The following ZNF148 variants were observed in gnomAD, a reference collection of about 807,000 sequenced individuals.
The protein encoded by ZNF148 is Beta-Enolase Repressor Factor-1.
ZNF148 carries 7 observed loss-of-function variants against 67.7 expected under a neutral mutation model. That is an observed-to-expected ratio of 0.10 (90% confidence interval 0.06 to 0.19). The LOEUF (loss-of-function observed/expected upper bound fraction) is 0.19, where lower values mean the gene tolerates loss of function less well. Ranked by LOEUF, ZNF148 falls within the 10% of genes least tolerant of loss-of-function variation. The pLI, the probability that ZNF148 is intolerant of heterozygous loss-of-function variation, is 1.00. For synonymous variants in ZNF148, 333 were observed against 330.7 expected (o/e 1.01, Z -0.08); for missense variants, 583 against 947.1 (o/e 0.62, Z 5.05).
chr3:125,294,552 T>C (rs1267601592), intron 4 of ZNF148, among the ~76,000 whole-genome samples: 1 of 152,190 alleles, frequency 6.6e-6, no homozygotes, highest in Non-Finnish European at 1.5e-5. Context: ...ACTCAGCATT[T>C]ACATGGCATT....
intron 4 of ZNF148, among the ~76,000 whole-genome samples, chr3:125,290,490 TCTTA>T (rs781608814): frequency 2.6e-5 from 4 of 152,304 alleles, no homozygotes; most frequent in African/African-American, 9.6e-5. Flanking sequence ...CAAAATAAAG[TCTTA>T]CTTTTATATT....
chr3:125,272,286 T>G (rs1478244159), intron 7 of ZNF148, among the ~76,000 whole-genome samples: 1 of 152,260 alleles, frequency 6.6e-6, no homozygotes, highest in Non-Finnish European at 1.5e-5. Flanking sequence ...CACATGTTCA[T>G]TCATTCAATG....
chr3:125,304,367 T>A (rs1939759683), intron 4 of ZNF148, among the ~76,000 whole-genome samples: 1 of 151,464 alleles, frequency 6.6e-6, no homozygotes, highest in South Asian at 2.1e-4. Context: ...TATCAAAGAG[T>A]GGATGTAGAC....
intron 7 of ZNF148, among the ~76,000 whole-genome samples, chr3:125,244,260 A>G (rs1044791114): frequency 6.6e-6 from 1 of 152,174 alleles, no homozygotes; most frequent in African/African-American, 2.4e-5. Flanking sequence ...AATTTTTACT[A>G]TAATATATGG....
chr3:125,357,972 TC>T (rs1942415739), intron 1 of ZNF148, among the ~76,000 whole-genome samples: 1 of 152,190 alleles, frequency 6.6e-6, no homozygotes, highest in Non-Finnish European at 1.5e-5. Flanking sequence ...AGAAATCTTC[TC>T]TAAACCATCT....
intron 7 of ZNF148, among the ~76,000 whole-genome samples, chr3:125,241,940 T>C (rs543445987): frequency 1.3e-5 from 2 of 152,350 alleles, no homozygotes; most frequent in East Asian, 3.9e-4. Flanking sequence ...ACTACATATC[T>C]AATAGGTGAA....
Position 125,375,170 on chromosome 3 carries a change from T to C in ZNF148, c.-302A>G, listed in dbSNP as rs1360333101. ...GGCAGCTCCAACCTTTCTAGGGGCC[T>C]TGAGAGGAGGGGAAGGGGGGAGGGG... is the stretch of plus-strand genomic sequence containing the variant. On this transcript the variant is annotated 5_prime_UTR_variant, in exon 1 of 9. Transcript: ENST00000360647. 1 of 152,120 alleles carries C rather than the reference T, an allele frequency of 6.6e-6. No individual in the cohort carries two copies. Among genetic ancestry groups the C allele is most frequent in the Non-Finnish European group, 1.5e-5 (1 of 68,204 alleles). 9.4% of individuals were successfully genotyped at this position (152,120 alleles called of 1,614,324 possible). A position where few individuals can be genotyped will look rare whatever the true frequency, so the allele number is the denominator to read the frequency against.
intron 5 of ZNF148, among the ~76,000 whole-genome samples, chr3:125,283,936 C>T (rs1053176597): frequency 2.0e-5 from 3 of 152,086 alleles, no homozygotes; most frequent in African/African-American, 4.8e-5. Flanking sequence ...AATTTTTATT[C>T]AGATCACCTA....
At chr3:125,311,207 A>C (rs1455857460) in intron 4 of ZNF148, 1 of 161,012 alleles carries the variant, frequency 6.2e-6, no homozygotes, top group Non-Finnish European at 1.4e-5. Context: ...TGTACTGTTT[A>C]ATTTTGGCAA....
At position 125,232,563 on chromosome 3, in the gene ZNF148, G is replaced by A. The variant is rs775723684; in HGVS notation, c.2163C>T (p.His721=). ...CAAAGGAGCTCATTTGGTAAGCTTG[G>A]TGGACAGGCTGGGCCTCAGCTTTCT... ...SQKKAEAQPV[H]QAYQMSSFEQ... Residue 721 remains histidine (H), a synonymous_variant, in exon 9 of 9, where the codon CAC becomes CAT. Transcript: ENST00000360647. This position sits in a 1 kb window ranked among gnomAD's most constrained non-coding sequence, Gnocchi z 4.2. 2.9e-5 allele frequency: 46 copies of A among 1,613,630 alleles called. No individual in the cohort carries two copies. The highest frequency in any genetic ancestry group is 3.6e-5 in the Non-Finnish European group (42 of 1,179,756).
At chr3:125,329,066 C>T (rs1277319810) in intron 2 of ZNF148, among the ~76,000 whole-genome samples, 1 of 150,460 alleles carries the variant, frequency 6.6e-6, no homozygotes, top group Admixed American at 6.7e-5. Context: ...AATGATTATA[C>T]TGAATGGGGA....
chr3:125,257,001 A>T (rs1485490487), intron 7 of ZNF148, among the ~76,000 whole-genome samples: 12 of 133,404 alleles, frequency 9.0e-5, no homozygotes, highest in Admixed American at 8.6e-4. Flanking sequence ...TACAAACTGC[A>T]ATTCTCTGGT....
chr3:125,289,886 T>C (rs1938912478), intron 4 of ZNF148, among the ~76,000 whole-genome samples: 1 of 152,172 alleles, frequency 6.6e-6, no homozygotes, highest in Admixed American at 6.5e-5. Flanking sequence ...GTAAAAAAGA[T>C]TAACACGTAT....
intron 1 of ZNF148, among the ~76,000 whole-genome samples, chr3:125,360,076 G>A (rs1469820461): frequency 6.6e-6 from 1 of 152,054 alleles, no homozygotes; most frequent in Non-Finnish European, 1.5e-5. Context: ...TACAAACCAT[G>A]GCCTGTTTAA....
At chr3:125,241,378 G>A (rs1260479583) in intron 7 of ZNF148, among the ~76,000 whole-genome samples, 1 of 150,658 alleles carries the variant, frequency 6.6e-6, no homozygotes, top group Non-Finnish European at 1.5e-5. Flanking sequence ...TCGAATTCAG[G>A]GACTCAAGTG....
intron 1 of ZNF148, among the ~76,000 whole-genome samples, chr3:125,349,182 G>T (rs1337423754): frequency 1.3e-5 from 2 of 152,146 alleles, no homozygotes; most frequent in African/African-American, 4.8e-5. Context: ...TGATTTCTAG[G>T]ATTTGACACC....
intron 1 of ZNF148, among the ~76,000 whole-genome samples, chr3:125,348,371 C>A (rs1942022615): frequency 6.6e-6 from 1 of 151,330 alleles, no homozygotes. Context: ...GTCCCAGCTA[C>A]TCAGGAGGCT....
intron 4 of ZNF148, among the ~76,000 whole-genome samples, chr3:125,289,055 A>G (rs1171237265): frequency 1.3e-5 from 2 of 152,222 alleles, no homozygotes; most frequent in African/African-American, 2.4e-5. Flanking sequence ...GATGGTGTTC[A>G]GTCATCCCCT....
intron 7 of ZNF148, among the ~76,000 whole-genome samples, chr3:125,261,228 G>A (rs1048698947): frequency 2.6e-5 from 4 of 152,074 alleles, no homozygotes; most frequent in Non-Finnish European, 4.4e-5. Flanking sequence ...TTTTAATTAC[G>A]ACAATAGACA....
Sources: gnomAD v4.1 joint callset for allele counts (sites outside exome capture counted in the v4.1 genomes callset) on GRCh38, gnomAD v4.1.1 for gene constraint, Gnocchi (gnomAD v3.1) non-coding constraint, MANE v1.5 for transcripts, NCBI Gene and HGNC (gene_info 2026-07-23, HGNC 2026-07-21) for gene names.